The following RFX7 variants were observed in gnomAD, a reference collection of about 807,000 sequenced individuals.
The protein encoded by RFX7 is regulatory factor X7, also known as DNA-binding protein RFX7.
A neutral mutation model predicts 111.8 loss-of-function variants in RFX7; 26 were observed. The observed-to-expected ratio is 0.23, with a 90% CI of 0.17 to 0.32. RFX7 has a LOEUF of 0.32. Among genes scored for constraint, RFX7 ranks in the 10% least tolerant of loss-of-function variants. RFX7 has a pLI of 1.00. For synonymous variants in RFX7, 624 were observed against 624.4 expected (o/e 1.00, Z 0.01); for missense variants, 1,573 against 1,772.9 (o/e 0.89, Z 2.02).
chr15:56,242,184 T>C (rs2043699654), intron 2 of RFX7, among the ~76,000 whole-genome samples: 1 of 152,206 alleles, frequency 6.6e-6, no homozygotes, highest in South Asian at 2.1e-4. Context: ...TAAACTTCTA[T>C]TAAAAGCAAT....
In RFX7 at chr15:56,168,338, T is replaced by A. The variant is rs558693704; in HGVS notation, c.195+10932A>T. Among the ~76,000 whole-genome samples the A allele has an allele frequency of 3.3e-5, 5 of 152,330 alleles. No individual in the cohort carries two copies. The East Asian group carries it at 9.6e-4, about 29-fold the overall frequency. On this transcript the variant is annotated intron_variant, in intron 3 of 9. Coordinates refer to ENST00000559447, the MANE Select transcript of RFX7 (RefSeq NM_022841.7). ...GATATTATGTGCATATTTACTTACTTTTTGATAATCACTGTTTGTAAATAA... is the reference window on the plus strand; with the variant it reads ...GATATTATGTGCATATTTACTTACTATTTGATAATCACTGTTTGTAAATAA...
chr15:56,127,862 C>A (rs2042165418), intron 5 of RFX7, among the ~76,000 whole-genome samples: 1 of 149,700 alleles, frequency 6.7e-6, no homozygotes, highest in African/African-American at 2.5e-5. Flanking sequence ...ATTAACAAAA[C>A]TAACAAATGT....
chr15:56,132,156 A>G (rs977736873), intron 5 of RFX7, among the ~76,000 whole-genome samples: 34 of 152,204 alleles, frequency 2.2e-4, no homozygotes, highest in Non-Finnish European at 4.1e-4. Flanking sequence ...TTTTTCTAAA[A>G]TTTTCAGTTA....
At chr15:56,236,425 G>A (rs1216336558) in intron 2 of RFX7, among the ~76,000 whole-genome samples, 1 of 151,910 alleles carries the variant, frequency 6.6e-6, no homozygotes, top group African/African-American at 2.4e-5. Flanking sequence ...TCTTTAACTC[G>A]AACTTAGAAC....
At position 56,095,526 on chromosome 15, in the gene RFX7, G is replaced by A. The variant is rs1267437281; in HGVS notation, c.2202C>T (p.Ser734=). The A allele has an allele frequency of 1.2e-6, 2 of 1,613,508 alleles. No homozygotes were observed. The highest frequency in any genetic ancestry group is 1.7e-6 in the Non-Finnish European group (2 of 1,179,848). The change falls in exon 10 of 10, where the codon TCC becomes TCT. Residue 734 remains serine, a synonymous_variant. Coordinates refer to ENST00000559447, the MANE Select transcript of RFX7 (RefSeq NM_022841.7). ...CTGAATCACTGATAACAAGGGCAGA[G>A]GAATTCAAGGGTTGATTTGCTCCTA... is the stretch of plus-strand genomic sequence containing the variant. The part of the protein sequence containing the change: ...SHIGANQPLN[S]SALVISDSAL...
At chr15:56,221,503 C>T (rs1398791374) in intron 2 of RFX7, among the ~76,000 whole-genome samples, 1 of 152,082 alleles carries the variant, frequency 6.6e-6, no homozygotes, top group Non-Finnish European at 1.5e-5. Context: ...GGAGCTTGCT[C>T]TTTTATCTAG....
intron 6 of RFX7, among the ~76,000 whole-genome samples, chr15:56,103,043 T>C (rs781451565): frequency 4.6e-5 from 7 of 152,080 alleles, no homozygotes; most frequent in Admixed American, 4.6e-4. Context: ...TTCTGTACTC[T>C]GGCTTTAATT....
chr15:56,231,966 C>A (rs2043563690), intron 2 of RFX7, among the ~76,000 whole-genome samples: 1 of 152,226 alleles, frequency 6.6e-6, no homozygotes, highest in African/African-American at 2.4e-5. Flanking sequence ...CCATGTCTCA[C>A]ATCCAGGTCA....
chr15:56,167,275 T>TG (rs745958587), intron 3 of RFX7, among the ~76,000 whole-genome samples: 2 of 152,112 alleles, frequency 1.3e-5, no homozygotes, highest in Non-Finnish European at 2.9e-5. Flanking sequence ...ATCATGGCAC[T>TG]GCACTCCAAA....
In RFX7 at chr15:56,184,331, G is replaced by A. The variant is rs183648384; in HGVS notation, c.162-5028C>T. ...TGGGATTACAGGTGTGAGCCACTGC[G>A]CCCGGACAGTTCTAATAGTATGTAG... is the stretch of plus-strand genomic sequence containing the variant. On this transcript the variant is annotated intron_variant, in intron 2 of 9. Transcript: ENST00000559447. 1.9e-3 allele frequency among the ~76,000 whole-genome samples: 284 copies of A among 150,642 alleles called. 1 individual carries two copies. Among genetic ancestry groups the A allele is most frequent in the Non-Finnish European group, 3.4e-3 (227 of 67,706 alleles).
intron 2 of RFX7, among the ~76,000 whole-genome samples, chr15:56,222,120 A>G (rs2043432773): frequency 6.6e-6 from 1 of 152,176 alleles, no homozygotes; most frequent in African/African-American, 2.4e-5. Context: ...CATTTCAGAA[A>G]TATATTTTTG....
intron 5 of RFX7, among the ~76,000 whole-genome samples, chr15:56,132,964 AAAC>A (rs1367423015): frequency 2.3e-4 from 35 of 152,248 alleles, no homozygotes; most frequent in Admixed American, 1.4e-3. Context: ...AAATTTGGTT[AAAC>A]AACAACAAAA....
chr15:56,218,928 T>A (rs539078166), intron 2 of RFX7, among the ~76,000 whole-genome samples: 308 of 152,298 alleles, frequency 2.0e-3, no homozygotes, highest in South Asian at 3.7e-3. Flanking sequence ...AAATGTATAT[T>A]ACAACAGTGA....
chr15:56,238,043 T>A (rs1206165964), intron 2 of RFX7, among the ~76,000 whole-genome samples: 1 of 152,210 alleles, frequency 6.6e-6, no homozygotes, highest in African/African-American at 2.4e-5. Context: ...AATCATAGAC[T>A]TTCAGTTAAA....
chr15:56,112,379 CAAAAAAAAAA>C (rs71110374), intron 5 of RFX7, among the ~76,000 whole-genome samples: 4 of 71,768 alleles, frequency 5.6e-5, no homozygotes, highest in African/African-American at 1.7e-4. Context: ...GAGTACAAAT[CAAAAAAAAAA>C]AAAAAAAAAA....
At chr15:56,150,340 C>A (rs1360519671) in intron 3 of RFX7, among the ~76,000 whole-genome samples, 1 of 152,192 alleles carries the variant, frequency 6.6e-6, no homozygotes, top group African/African-American at 2.4e-5. Context: ...CAAGTGGGTC[C>A]CTGACCCCTG....
At chr15:56,129,534 T>C (rs2042186570) in intron 5 of RFX7, among the ~76,000 whole-genome samples, 1 of 152,268 alleles carries the variant, frequency 6.6e-6, no homozygotes, top group South Asian at 2.1e-4. Context: ...AAAAAAACTG[T>C]TGAACCTATG....
chr15:56,112,081 C>G (rs1319501462), intron 5 of RFX7, among the ~76,000 whole-genome samples: 1 of 150,342 alleles, frequency 6.7e-6, no homozygotes, highest in African/African-American at 2.5e-5. Context: ...CGCCACTGCA[C>G]TCCAGGCTGG....
intron 2 of RFX7, among the ~76,000 whole-genome samples, chr15:56,240,416 T>C (rs2043675865): frequency 6.6e-6 from 1 of 152,190 alleles, no homozygotes; most frequent in South Asian, 2.1e-4. Flanking sequence ...CCAACTCTTT[T>C]CCACTCAACT....
Sources: gnomAD v4.1 joint callset for allele counts (sites outside exome capture counted in the v4.1 genomes callset) on GRCh38, gnomAD v4.1.1 for gene constraint, MANE v1.5 for transcripts, NCBI Gene and HGNC (gene_info 2026-07-23, HGNC 2026-07-21) for gene names.